TAX1BP1: variants seen among roughly 807,000 people sequenced by gnomAD.
The protein encoded by TAX1BP1 is Tax1 binding protein 1, also known as tax1-binding protein 1.
Under a neutral mutation model 97.7 loss-of-function variants are expected in TAX1BP1, and 62 were observed. The observed-to-expected ratio is 0.63, with a 90% CI of 0.52 to 0.78. The LOEUF (loss-of-function observed/expected upper bound fraction) is 0.78, where lower values mean the gene tolerates loss of function less well. Among genes scored for constraint, TAX1BP1 ranks in the 30% least tolerant of loss-of-function variants. The pLI is 0.00. For synonymous variants in TAX1BP1, 340 were observed against 304.2 expected (o/e 1.12, Z -1.23); for missense variants, 867 against 916.1 (o/e 0.95, Z 0.69).
chr7:27,764,236 A>G (rs1402868575), intron 3 of TAX1BP1, among the ~76,000 whole-genome samples: 1 of 152,188 alleles, frequency 6.6e-6, no homozygotes, highest in African/African-American at 2.4e-5. Flanking sequence ...TCTTAGATCC[A>G]GTCTTTAATT....
In TAX1BP1 at chr7:27,805,041, G is replaced by A. The variant is rs181926029; in HGVS notation, c.1764+4951G>A. 2.5e-3 allele frequency among the ~76,000 whole-genome samples: 376 copies of A among 152,294 alleles called. 2 individuals are homozygous for A. The highest frequency in any genetic ancestry group is 8.6e-3 in the African/African-American group (359 of 41,576). On this transcript the variant is annotated intron_variant, in intron 13 of 16. Coordinates refer to ENST00000396319, the MANE Select transcript of TAX1BP1 (RefSeq NM_006024.7). Reference sequence around the variant, plus strand: ...GTACCTTCAAGGTAAATTCCTAGAAGCGTGATTGCTGGTTTGAAGGGTAAA... The same window carrying A: ...GTACCTTCAAGGTAAATTCCTAGAAACGTGATTGCTGGTTTGAAGGGTAAA...
Position 27,816,372 on chromosome 7 carries a change from T to A in TAX1BP1, c.1788T>A (p.Asn596Lys). ...NYKELKRSLE[N>K]PAERKMEGQN... is the part of the protein sequence containing the mutation. ...AGGAACTTAAAAGGAGTCTAGAAAATCCAGCAGAAAGGAAAATGGAAGGTC... is the reference window on the plus strand; with the variant it reads ...AGGAACTTAAAAGGAGTCTAGAAAAACCAGCAGAAAGGAAAATGGAAGGTC... Residue 596 changes from asparagine (N) to lysine (K), a missense_variant, in exon 14 of 17, where the codon AAT becomes AAA. Physicochemically the swap from Asn to Lys is moderately conservative, Grantham distance 94 (BLOSUM62 0). This residue lies in a region of TAX1BP1 where 822 missense variants were observed against 851.4 expected (regional missense o/e 0.97). Transcript: ENST00000396319. 1 of 1,579,914 alleles carries A rather than the reference T, an allele frequency of 6.3e-7. No homozygotes were observed. The highest frequency in any genetic ancestry group is 8.5e-7 in the Non-Finnish European group (1 of 1,170,296).
Position 27,741,704 on chromosome 7 carries a change from A to G in TAX1BP1, c.-8+1435A>G, listed in dbSNP as rs1382998073. Among the ~76,000 whole-genome samples the G allele has an allele frequency of 3.3e-5, 5 of 152,174 alleles. No homozygotes were observed. The South Asian group carries it at 6.2e-4, about 19-fold the overall frequency. On this transcript the variant is annotated intron_variant, in intron 1 of 16. Coordinates refer to ENST00000396319, the MANE Select transcript of TAX1BP1 (RefSeq NM_006024.7). ...TCCACACCTGTGGGTGTTTCTCGTTAGGTGGAATGAGAGACTTGGAAAAGA... is the reference window on the plus strand; with the variant it reads ...TCCACACCTGTGGGTGTTTCTCGTTGGGTGGAATGAGAGACTTGGAAAAGA...
chr7:27,763,169 G>A (rs1462330126), intron 3 of TAX1BP1, among the ~76,000 whole-genome samples: 2 of 152,158 alleles, frequency 1.3e-5, no homozygotes, highest in African/African-American at 4.8e-5. Context: ...TGCTCATTTT[G>A]TGGATGAGTA....
chr7:27,743,833 C>G (rs1479140548), intron 1 of TAX1BP1, among the ~76,000 whole-genome samples: 5 of 1,002 alleles, frequency 5.0e-3, no homozygotes, highest in Admixed American at 0.014. Context: ...GAGTCTCGCT[C>G]TGTCGCCCAG....
chr7:27,800,295 G>T lies in TAX1BP1; in HGVS notation c.1764+205G>T, dbSNP rs530654102. ...AATGGATACCATTTGCATTGCTATT[G>T]TGGCTTTAATTCTGTGGGTTCAGAT... On this transcript the variant is annotated intron_variant, in intron 13 of 16. Transcript: ENST00000396319. 2.0e-5 allele frequency among the ~76,000 whole-genome samples: 3 copies of T among 152,242 alleles called. No homozygotes were observed. The South Asian group carries it at 6.2e-4, about 32-fold the overall frequency.
At chr7:27,773,780 G>GA (rs1445256271) in intron 5 of TAX1BP1, among the ~76,000 whole-genome samples, 1 of 152,012 alleles carries the variant, frequency 6.6e-6, no homozygotes, top group African/African-American at 2.4e-5. Flanking sequence ...ATACGTATTG[G>GA]AAATTGAAAG....
intron 13 of TAX1BP1, among the ~76,000 whole-genome samples, chr7:27,807,617 T>G (rs1224905685): frequency 6.6e-6 from 1 of 152,162 alleles, no homozygotes; most frequent in Non-Finnish European, 1.5e-5. Context: ...GTTAAGGTAT[T>G]GTCCACCAGG....
At chr7:27,744,352 C>G (rs1014824082) in intron 1 of TAX1BP1, among the ~76,000 whole-genome samples, 3 of 152,138 alleles carry the variant, frequency 2.0e-5, no homozygotes, top group Non-Finnish European at 4.4e-5. Flanking sequence ...GTCTCGATCT[C>G]CTGAACTCGT....
At chr7:27,813,505 C>A (rs557124058) in intron 13 of TAX1BP1, among the ~76,000 whole-genome samples, 3 of 152,242 alleles carry the variant, frequency 2.0e-5, no homozygotes, top group African/African-American at 7.2e-5. Context: ...TAGGCACATG[C>A]CATCACACCC....
chr7:27,828,486 A>G lies in TAX1BP1; in HGVS notation c.2169-142A>G. The G allele has an allele frequency of 2.9e-6, 2 of 699,696 alleles. 1 individual carries two copies. Among genetic ancestry groups the G allele is most frequent in the South Asian group, 4.1e-5 (2 of 48,872 alleles). 43.3% of individuals were successfully genotyped at this position (699,696 alleles called of 1,614,324 possible). ...ACAGCAAGCATTTAGAAGCAGAGAAATGTTTCTGGAGTAAAGACTTTTAAG... is the reference window on the plus strand; with the variant it reads ...ACAGCAAGCATTTAGAAGCAGAGAAGTGTTTCTGGAGTAAAGACTTTTAAG... On this transcript the variant is annotated intron_variant, in intron 16 of 16. Transcript: ENST00000396319.
In TAX1BP1 at chr7:27,827,804, T is replaced by A. The variant is rs1346828296; in HGVS notation, c.2152T>A (p.Phe718Ile). 1 of 1,613,818 alleles carries A rather than the reference T, an allele frequency of 6.2e-7. No individual in the cohort carries two copies. Among genetic ancestry groups the A allele is most frequent in the East Asian group, 2.2e-5 (1 of 44,874 alleles). ...ACATTTACGTGGGCATGGGACAGGCTTTTGCTTTGATTCCAGGTAGTTTTC... is the reference window on the plus strand; with the variant it reads ...ACATTTACGTGGGCATGGGACAGGCATTTGCTTTGATTCCAGGTAGTTTTC... ...SQHLRGHGTG[F>I]CFDSSFDVHK... Residue 718 changes from phenylalanine to isoleucine, a missense_variant, in exon 16 of 17, where the codon TTT becomes ATT. This residue lies in a region of TAX1BP1 where 822 missense variants were observed against 851.4 expected (regional missense o/e 0.97). Transcript: ENST00000396319.
intron 5 of TAX1BP1, among the ~76,000 whole-genome samples, chr7:27,783,675 G>C (rs1279232585): frequency 1.3e-5 from 2 of 152,108 alleles, no homozygotes; most frequent in Non-Finnish European, 1.5e-5. Flanking sequence ...TTACTTACAG[G>C]ATTGGAAAGT....
At chr7:27,804,942 G>A (rs142154064) in intron 13 of TAX1BP1, among the ~76,000 whole-genome samples, 132 of 152,150 alleles carry the variant, frequency 8.7e-4, no homozygotes, top group African/African-American at 3.0e-3. Context: ...GGCCATTTAG[G>A]TAGTTGCTAA....
chr7:27,749,336 A>T (rs1787939947), intron 2 of TAX1BP1, among the ~76,000 whole-genome samples: 1 of 152,240 alleles, frequency 6.6e-6, no homozygotes, highest in African/African-American at 2.4e-5. Flanking sequence ...AAACCAAAAC[A>T]TAAGAATGTC....
At chr7:27,816,814 G>A in intron 14 of TAX1BP1, 76 bp from the exon 15 acceptor site, 1 of 1,525,800 alleles carries the variant, frequency 6.6e-7, no homozygotes. Context: ...TTTATATCCT[G>A]TTCATCATAT....
chr7:27,741,499 CT>C (rs575515207), intron 1 of TAX1BP1, among the ~76,000 whole-genome samples: 333 of 142,410 alleles, frequency 2.3e-3, no homozygotes, highest in East Asian at 2.8e-3. Flanking sequence ...TCATCACGTT[CT>C]TTTTTTTTTT....
chr7:27,751,899 C>A (rs1008021167), intron 2 of TAX1BP1, among the ~76,000 whole-genome samples: 1 of 152,082 alleles, frequency 6.6e-6, no homozygotes, highest in African/African-American at 2.4e-5. Flanking sequence ...GCGATCCACC[C>A]GCCTCAGCCT....
intron 5 of TAX1BP1, among the ~76,000 whole-genome samples, chr7:27,780,156 G>A (rs999505676): frequency 2.0e-5 from 3 of 152,154 alleles, no homozygotes; most frequent in Non-Finnish European, 4.4e-5. Flanking sequence ...GTTTGTGAAT[G>A]AGATCTGGAA....
Sources: allele counts gnomAD v4.1 joint callset (sites outside exome capture counted in the v4.1 genomes callset), GRCh38; gene constraint gnomAD v4.1.1; regional missense constraint gnomAD v4.1.1; transcripts MANE v1.5; gene names NCBI Gene and HGNC (gene_info 2026-07-23, HGNC 2026-07-21).